DTNB: variants seen among roughly 807,000 people sequenced by gnomAD.
DTNB encodes the protein dystrobrevin beta.
Under a neutral mutation model 90.7 loss-of-function variants are expected in DTNB, and 63 were observed. The observed-to-expected ratio is 0.69, with a 90% CI of 0.57 to 0.86. The LOEUF (loss-of-function observed/expected upper bound fraction) is 0.86. DTNB is among the 40% of genes least tolerant of loss of function. The pLI is 0.00. For synonymous variants in DTNB, 277 were observed against 286.7 expected (o/e 0.97, Z 0.34); for missense variants, 744 against 807.1 (o/e 0.92, Z 0.95).
At chr2:25,548,215 TA>T (rs1233457837) in intron 8 of DTNB, among the ~76,000 whole-genome samples, 2 of 152,186 alleles carry the variant, frequency 1.3e-5, no homozygotes, top group Admixed American at 6.5e-5. Flanking sequence ...TAGGTTCCTC[TA>T]TTTTCAATCT....
chr2:25,657,018 C>T (rs1187890707), intron 1 of DTNB, among the ~76,000 whole-genome samples: 1 of 151,628 alleles, frequency 6.6e-6, no homozygotes, highest in East Asian at 1.9e-4. Flanking sequence ...TACTAAAATA[C>T]AAAAAAAATT....
intron 4 of DTNB, among the ~76,000 whole-genome samples, chr2:25,613,699 C>T (rs2069312947): frequency 1.3e-5 from 2 of 150,558 alleles, no homozygotes; most frequent in African/African-American, 2.4e-5. Flanking sequence ...GTGGCTCACG[C>T]CTGTAATCGC....
rs1027469453 is a variant in DTNB, at chr2:25,424,369, T to A, written c.1554+3166A>T. Among the ~76,000 whole-genome samples the A allele has an allele frequency of 6.6e-6, 1 of 152,148 alleles. No individual in the cohort carries two copies. The highest frequency in any genetic ancestry group is 1.5e-5 in the Non-Finnish European group (1 of 68,024). On this transcript the variant is annotated intron_variant, in intron 15 of 20. Coordinates refer to ENST00000406818, the MANE Select transcript of DTNB (RefSeq NM_021907.5). The surrounding 1 kb of genome is among the most constrained non-coding windows in gnomAD (Gnocchi z 4.1). ...GGTTTGGGATCAGAGTTGCGGGCAT[T>A]AGCTCGTTCTGCTTAGCCCTTGAAT...
chr2:25,655,646 A>G (rs2081931052), intron 1 of DTNB, among the ~76,000 whole-genome samples: 1 of 152,204 alleles, frequency 6.6e-6, no homozygotes, highest in African/African-American at 2.4e-5. Context: ...TAAGGTGGAA[A>G]TAAATGTTTC....
At chr2:25,433,885 G>T in intron 13 of DTNB, 25 bp downstream of exon 13, 1 of 1,611,616 alleles carries the variant, frequency 6.2e-7, no homozygotes, top group East Asian at 2.2e-5. Context: ...GACTCTGGAA[G>T]TGGGCTCAGC....
At chr2:25,661,894 C>A (rs1398481080) in intron 1 of DTNB, among the ~76,000 whole-genome samples, 1 of 152,116 alleles carries the variant, frequency 6.6e-6, no homozygotes, top group Non-Finnish European at 1.5e-5. Flanking sequence ...GTGGCTCCCA[C>A]CTGTAATCCC....
intron 4 of DTNB, among the ~76,000 whole-genome samples, chr2:25,626,393 G>A (rs1485550318): frequency 6.6e-6 from 1 of 152,096 alleles, no homozygotes; most frequent in East Asian, 1.9e-4. Context: ...ATTAACCTAT[G>A]GAGTCACTAA....
intron 3 of DTNB, among the ~76,000 whole-genome samples, chr2:25,630,115 C>T (rs1573690865): frequency 6.6e-6 from 1 of 151,990 alleles, no homozygotes; most frequent in African/African-American, 2.4e-5. Context: ...ATACAAATGG[C>T]CAACAAGCAC....
intron 5 of DTNB, among the ~76,000 whole-genome samples, chr2:25,602,139 GA>G (rs887744362): frequency 1.0e-4 from 15 of 146,752 alleles, no homozygotes; most frequent in Admixed American, 2.7e-4. Context: ...AAAGAAAAAA[GA>G]AAAAAAAAAG....
At chr2:25,460,869 T>C (rs565595560) in intron 10 of DTNB, among the ~76,000 whole-genome samples, 1 of 151,218 alleles carries the variant, frequency 6.6e-6, no homozygotes, top group East Asian at 1.9e-4. Context: ...AGAGGGTACC[T>C]AGAAAGGGAA....
chr2:25,484,789 T>C (rs1438388990), intron 9 of DTNB, among the ~76,000 whole-genome samples: 1 of 152,228 alleles, frequency 6.6e-6, no homozygotes, highest in Admixed American at 6.5e-5. Flanking sequence ...AATTCCAAGT[T>C]ATTTATCTGA....
intron 15 of DTNB, among the ~76,000 whole-genome samples, chr2:25,426,229 G>C (rs1444234573): frequency 6.6e-6 from 1 of 152,170 alleles, no homozygotes; most frequent in Non-Finnish European, 1.5e-5. Context: ...TAATTTCTGG[G>C]TGTGTCTGTG....
At chr2:25,435,856 T>A (rs550811599) in intron 12 of DTNB, among the ~76,000 whole-genome samples, 12 of 152,322 alleles carry the variant, frequency 7.9e-5, no homozygotes, top group African/African-American at 2.2e-4. Context: ...AAGGTTCTAT[T>A]TTTTCCACAT....
At chr2:25,513,337 T>C (rs2074328916) in intron 9 of DTNB, among the ~76,000 whole-genome samples, 1 of 152,218 alleles carries the variant, frequency 6.6e-6, no homozygotes. Context: ...TATGAATGAT[T>C]ACTTTTTAAG....
At chr2:25,604,718 T>G (rs566232099) in intron 5 of DTNB, among the ~76,000 whole-genome samples, 18 of 152,160 alleles carry the variant, frequency 1.2e-4, no homozygotes, top group Middle Eastern at 3.4e-3. Flanking sequence ...GCCTCCCGAG[T>G]AGCTGGGATT....
In DTNB at chr2:25,432,911, G is replaced by A; in HGVS notation, c.1432C>T (p.Leu478=). 6.2e-7 allele frequency: 1 copy of A among 1,609,020 alleles called. No individual in the cohort carries two copies. Among genetic ancestry groups the A allele is most frequent in the Non-Finnish European group, 8.5e-7 (1 of 1,178,478 alleles). The change falls in exon 14 of 21, where the codon CTG becomes TTG. Residue 478 remains leucine, a synonymous_variant. Transcript: ENST00000406818. ...CTCAGCAGCCGCAGCTCTGCCAGCA[G>A]CGTGGGGTTCTGCTGTGCCTTCTCA... ...TPEKAQQNPT[L]LAELRLLRQR...
At chr2:25,573,421 G>A (rs922524467) in intron 8 of DTNB, among the ~76,000 whole-genome samples, 1 of 152,172 alleles carries the variant, frequency 6.6e-6, no homozygotes, top group Non-Finnish European at 1.5e-5. Context: ...CAACTGAGAA[G>A]GTCTACTAGG....
At chr2:25,546,757 G>C (rs986370270) in intron 8 of DTNB, among the ~76,000 whole-genome samples, 3 of 152,156 alleles carry the variant, frequency 2.0e-5, no homozygotes, top group African/African-American at 7.2e-5. Context: ...TGTCATTGGA[G>C]AAAGGAGATT....
chr2:25,410,088 G>C (rs1461018116), intron 16 of DTNB, among the ~76,000 whole-genome samples: 1 of 152,102 alleles, frequency 6.6e-6, no homozygotes, highest in East Asian at 1.9e-4. Flanking sequence ...TTCTGTTAAT[G>C]CTTTGCTGAG....
Sources: allele counts gnomAD v4.1 joint callset (sites outside exome capture counted in the v4.1 genomes callset), GRCh38; gene constraint gnomAD v4.1.1; non-coding constraint Gnocchi (gnomAD v3.1); transcripts MANE v1.5; gene names NCBI Gene and HGNC (gene_info 2026-07-23, HGNC 2026-07-21).